GPLD1: variants seen among roughly 807,000 people sequenced by gnomAD.
The protein encoded by GPLD1 is phosphatidylinositol-glycan-specific phospholipase D.
A neutral mutation model predicts 112.6 loss-of-function variants in GPLD1; 84 were observed. The observed-to-expected ratio is 0.75, with a 90% CI of 0.63 to 0.89. The LOEUF is 0.89. Ranked by LOEUF, GPLD1 falls within the 40% of genes least tolerant of loss-of-function variation. The pLI, the probability that GPLD1 is intolerant of heterozygous loss-of-function variation, is 0.00. For synonymous variants in GPLD1, 386 were observed against 403.8 expected (o/e 0.96, Z 0.53); for missense variants, 1,044 against 1,051.5 (o/e 0.99, Z 0.10).
chr6:24,469,146 G>A (rs1763715047), intron 7 of GPLD1, among the ~76,000 whole-genome samples: 1 of 152,074 alleles, frequency 6.6e-6, no homozygotes, highest in Non-Finnish European at 1.5e-5. Context: ...TGGAGAGGAT[G>A]TGGAGAAATA....
At chr6:24,449,736 G>A (rs1581746787) in intron 15 of GPLD1, 53 bp downstream of exon 15, 2 of 1,258,114 alleles carry the variant, frequency 1.6e-6, no homozygotes, top group Middle Eastern at 1.9e-4. Flanking sequence ...CTCCCTCAGA[G>A]TCCCCTCCCT....
intron 20 of GPLD1, among the ~76,000 whole-genome samples, chr6:24,443,843 G>A (rs1349721348): frequency 5.9e-5 from 9 of 151,600 alleles, no homozygotes; most frequent in Non-Finnish European, 1.0e-4. Context: ...GCTAATTTGT[G>A]TATTTTTAGT....
Position 24,460,377 on chromosome 6 carries a change from A to G in GPLD1, c.910T>C (p.Phe304Leu). The change falls in exon 12 of 25, where the codon TTT becomes CTT. Residue 304 changes from phenylalanine (F) to leucine (L), a missense_variant. Transcript: ENST00000230036. ...AGGGATGTAGTCAAATTTCTGTGAAAATCATTTTTCTGCATTTTTGAGCTG... is the reference window on the plus strand; with the variant it reads ...AGGGATGTAGTCAAATTTCTGTGAAGATCATTTTTCTGCATTTTTGAGCTG... The part of the protein sequence containing the change: ...TQGSKMQKND[F>L]HRNLTTSLTE... 1 of 1,613,868 alleles carries G rather than the reference A, an allele frequency of 6.2e-7. No individual in the cohort carries two copies. Among genetic ancestry groups the G allele is most frequent in the Non-Finnish European group, 8.5e-7 (1 of 1,179,852 alleles).
chr6:24,493,165 G>A (rs1764599623), upstream of GPLD1, among the ~76,000 whole-genome samples: 1 of 152,196 alleles, frequency 6.6e-6, no homozygotes. Context: ...CTGGGCCTCA[G>A]TTGATTGAGG....
At chr6:24,436,161 CAA>C (rs1762572828) in intron 22 of GPLD1, among the ~76,000 whole-genome samples, 2 of 152,064 alleles carry the variant, frequency 1.3e-5, no homozygotes, top group South Asian at 4.1e-4. Context: ...GAGGCTGAGA[CAA>C]GAGAATCACC....
chr6:24,462,584 G>A (rs184465594), intron 11 of GPLD1, 146 bp downstream of exon 11: 41 of 638,314 alleles, frequency 6.4e-5, no homozygotes, highest in African/African-American at 6.4e-4. Context: ...CAAGCAGCTT[G>A]TTTAAAAATC....
At chr6:24,474,029 G>C (rs572799685) in intron 5 of GPLD1, among the ~76,000 whole-genome samples, 1 of 152,078 alleles carries the variant, frequency 6.6e-6, no homozygotes, top group South Asian at 2.1e-4. Context: ...GGGAGGCTGA[G>C]GCAGGAGAAT....
chr6:24,486,243 C>T (rs570538838), intron 1 of GPLD1, 113 bp from the exon 2 acceptor site: 36 of 706,252 alleles, frequency 5.1e-5, no homozygotes, highest in Middle Eastern at 3.5e-4. Flanking sequence ...CTGTCAAGGA[C>T]GCAGGAAATG....
rs747461621 is a variant in GPLD1 at position 24,486,137 on chromosome 6, GAAAT to G, written c.98-11_98-8del. On this transcript the variant is annotated splice_polypyrimidine_tract_variant and splice_region_variant and intron_variant, in intron 1 of 24. Coordinates refer to ENST00000230036, the MANE Select transcript of GPLD1 (RefSeq NM_001503.4). The stretch of plus-strand genomic sequence containing the variant: ...AACTCCAGAGCTCTGTGTCCTGAGA[GAAAT>G]AAATACATAAATCAATTAAGTTCAA... 3.9e-6 allele frequency: 6 copies of G among 1,524,154 alleles called. No individual in the cohort carries two copies. The highest frequency in any genetic ancestry group is 2.3e-5 in the East Asian group (1 of 44,430). The allele number at this position is 1,524,154 out of a possible 1,614,324, so 94.4% of individuals were successfully genotyped here.
rs146993893 is a variant in GPLD1 at position 24,447,883 on chromosome 6, C to T, written c.1672G>A (p.Asp558Asn). 3.0e-4 allele frequency: 490 copies of T among 1,613,878 alleles called. 6 individuals are homozygous for T. The East Asian group carries it at 8.4e-3, about 28-fold the overall frequency. ...ATTCCCCCTCAGGCACTACCTTTGT[C>T]GCTCAGGCTGGGGCCAGAATAAAAC... ...AAFYSGPSLS[D>N]KEKLNVEAAN... Residue 558 changes from aspartate to asparagine, a missense_variant, in exon 17 of 25, where the codon GAC (aspartate) becomes AAC (asparagine). Asp to Asn is a conservative substitution (Grantham distance 23). Coordinates refer to ENST00000230036, the MANE Select transcript of GPLD1 (RefSeq NM_001503.4).
intron 11 of GPLD1, among the ~76,000 whole-genome samples, chr6:24,462,424 T>C (rs1052239436): frequency 1.3e-5 from 2 of 152,196 alleles, no homozygotes; most frequent in Non-Finnish European, 2.9e-5. Flanking sequence ...TATGAGCCAC[T>C]GTGCCCAGCC....
chr6:24,430,995 T>C (rs1009512862), intron 24 of GPLD1, among the ~76,000 whole-genome samples: 1 of 152,238 alleles, frequency 6.6e-6, no homozygotes, highest in Admixed American at 6.5e-5. Flanking sequence ...TAGTTTTATA[T>C]AATACATGGG....
At chr6:24,487,221 T>A (rs942036334) in intron 1 of GPLD1, among the ~76,000 whole-genome samples, 1 of 152,158 alleles carries the variant, frequency 6.6e-6, no homozygotes, top group African/African-American at 2.4e-5. Context: ...AATGAAGCCA[T>A]TTCTAATTAA....
chr6:24,459,339 T>C (rs1187822106), intron 12 of GPLD1, among the ~76,000 whole-genome samples: 1 of 152,028 alleles, frequency 6.6e-6, no homozygotes, highest in East Asian at 1.9e-4. Context: ...CTGCAACCTC[T>C]GCCTTCCAGG....
intron 24 of GPLD1, among the ~76,000 whole-genome samples, chr6:24,429,428 A>G (rs1762334081): frequency 6.6e-6 from 1 of 152,166 alleles, no homozygotes; most frequent in Non-Finnish European, 1.5e-5. Context: ...AATAGTAAGG[A>G]CTTCCCCTAG....
chr6:24,430,689 A>C (rs1354689611), intron 24 of GPLD1, among the ~76,000 whole-genome samples: 2 of 152,206 alleles, frequency 1.3e-5, no homozygotes, highest in Non-Finnish European at 2.9e-5. Flanking sequence ...AAAGGAAGGA[A>C]TCTTCAGAAC....
chr6:24,435,836 A>AAAAAAAAAAAAATAAAAAAAAAAT (rs1427422814), intron 22 of GPLD1: 6 of 146,640 alleles, frequency 4.1e-5, no homozygotes, highest in Non-Finnish European at 9.1e-5. Flanking sequence ...AAAAAAAAAA[A>AAAAAAAAAAAAATAAAAAAAAAAT]AAAAAAAAAA....
rs149093201 is a variant in GPLD1, at chr6:24,449,880, G to C, written c.1355C>G (p.Ser452Trp). ...GTTAAAGTCCAACACAGCCAAGGCCGAGCCAAACCGACCTGAGGGCTGAAG... is the reference window on the plus strand; with the variant it reads ...GTTAAAGTCCAACACAGCCAAGGCCCAGCCAAACCGACCTGAGGGCTGAAG... ...EGFQPSGRFG[S>W]ALAVLDFNVD... Residue 452 changes from serine (S) to tryptophan (W), a missense_variant, in exon 15 of 25, where the codon TCG becomes TGG. Physicochemically the swap from Ser to Trp is radical, Grantham distance 177. Coordinates refer to ENST00000230036, the MANE Select transcript of GPLD1 (RefSeq NM_001503.4). 1 of 1,613,636 alleles carries C rather than the reference G, an allele frequency of 6.2e-7. No homozygotes were observed. The highest frequency in any genetic ancestry group is 2.2e-5 in the East Asian group (1 of 44,860).
At chr6:24,442,462 T>G (rs1762778325) in intron 20 of GPLD1, among the ~76,000 whole-genome samples, 1 of 69,152 alleles carries the variant, frequency 1.4e-5, no homozygotes, top group Non-Finnish European at 2.9e-5. Context: ...TTTTTTTTTT[T>G]GAGATGGAAT....
Sources: allele counts gnomAD v4.1 joint callset (sites outside exome capture counted in the v4.1 genomes callset), GRCh38; gene constraint gnomAD v4.1.1; transcripts MANE v1.5; gene names NCBI Gene and HGNC (gene_info 2026-07-23, HGNC 2026-07-21).